PPM1H: variants seen among roughly 807,000 people sequenced by gnomAD.
PPM1H encodes the protein protein phosphatase 1H.
A neutral mutation model predicts 54.9 loss-of-function variants in PPM1H; 27 were observed. The ratio of observed to expected loss-of-function variants is 0.49; its 90% CI spans 0.36 to 0.68. The LOEUF (loss-of-function observed/expected upper bound fraction) is 0.68, where lower values mean the gene tolerates loss of function less well. Ranked by LOEUF, PPM1H falls within the 30% of genes least tolerant of loss-of-function variation. The pLI, the probability that PPM1H is intolerant of heterozygous loss-of-function variation, is 0.00. For synonymous variants in PPM1H, 305 were observed against 270.8 expected (o/e 1.13, Z -1.24); for missense variants, 596 against 667.8 (o/e 0.89, Z 1.19).
At chr12:62,838,326 T>A (rs1413416749) in intron 1 of PPM1H, among the ~76,000 whole-genome samples, 2 of 100,646 alleles carry the variant, frequency 2.0e-5, no homozygotes, top group African/African-American at 1.1e-4. Context: ...TAAAATACAG[T>A]GTGTGTGTGT....
intron 1 of PPM1H, among the ~76,000 whole-genome samples, chr12:62,881,378 T>C (rs1221151226): frequency 4.0e-5 from 6 of 150,574 alleles, no homozygotes; most frequent in Non-Finnish European, 1.5e-5. Context: ...AATAAGCTGA[T>C]AATCAGTGGA....
At chr12:62,882,567 G>T (rs2121048671) in intron 1 of PPM1H, among the ~76,000 whole-genome samples, 1 of 152,332 alleles carries the variant, frequency 6.6e-6, no homozygotes, top group Admixed American at 6.5e-5. Context: ...GAGTGGGGCT[G>T]TCCCACTTGT....
intron 8 of PPM1H, among the ~76,000 whole-genome samples, chr12:62,673,713 C>CTTTTTTTTTTTTTTTTTTT (rs1192243731): frequency 2.1e-5 from 1 of 47,570 alleles, no homozygotes; most frequent in Non-Finnish European, 4.5e-5. Context: ...AGAAGAGCCA[C>CTTTTTTTTTTTTTTTTTTT]TCTTTTTTTT....
At chr12:62,913,394 A>G (rs1361430624) in intron 1 of PPM1H, among the ~76,000 whole-genome samples, 1 of 152,160 alleles carries the variant, frequency 6.6e-6, no homozygotes, top group Non-Finnish European at 1.5e-5. Flanking sequence ...ACTACAGGTG[A>G]GCGTTTTCCT....
rs1329273982 is a variant in PPM1H at position 62,896,381 on chromosome 12, A to G, written c.245+38111T>C. ...AAAGGGCTAATATCCAGAACCTACA[A>G]AGAACTTAAACAAATTTACAAGAAA... On this transcript the variant is annotated intron_variant, in intron 1 of 9. Coordinates refer to ENST00000228705, the MANE Select transcript of PPM1H (RefSeq NM_020700.2). 2.0e-5 allele frequency among the ~76,000 whole-genome samples: 3 copies of G among 152,226 alleles called. No individual in the cohort carries two copies. The East Asian group carries it at 5.8e-4, about 29-fold the overall frequency.
intron 8 of PPM1H, among the ~76,000 whole-genome samples, chr12:62,677,028 C>G (rs963179997): frequency 2.7e-4 from 41 of 152,124 alleles, no homozygotes; most frequent in African/African-American, 9.9e-4. Context: ...CCTTCTGAAG[C>G]CTGTAAAAAC....
intron 5 of PPM1H, among the ~76,000 whole-genome samples, chr12:62,723,028 G>A (rs1444649450): frequency 2.0e-5 from 3 of 152,160 alleles, no homozygotes; most frequent in Admixed American, 6.5e-5. Context: ...CTACTGATCA[G>A]AGCTTAGCCT....
intron 1 of PPM1H, among the ~76,000 whole-genome samples, chr12:62,910,916 G>A (rs757796099): frequency 6.6e-6 from 1 of 152,070 alleles, no homozygotes; most frequent in Non-Finnish European, 1.5e-5. Context: ...AATAATGGAA[G>A]GTTTAAATAA....
chr12:62,692,138 G>A (rs563782639), intron 7 of PPM1H, among the ~76,000 whole-genome samples: 34 of 152,230 alleles, frequency 2.2e-4, no homozygotes, highest in African/African-American at 7.7e-4. Context: ...AGGGGTACGC[G>A]GAGAAGAAAG....
chr12:62,909,546 A>G (rs1192439322), intron 1 of PPM1H, among the ~76,000 whole-genome samples: 1 of 152,162 alleles, frequency 6.6e-6, no homozygotes, highest in East Asian at 1.9e-4. Flanking sequence ...GCTGGCCAGC[A>G]CACTCTTAAG....
intron 1 of PPM1H, among the ~76,000 whole-genome samples, chr12:62,849,746 A>G (rs1180488498): frequency 2.0e-5 from 3 of 152,198 alleles, no homozygotes; most frequent in Non-Finnish European, 4.4e-5. Flanking sequence ...AAAATGCACT[A>G]AGTCTGAGAT....
At chr12:62,693,905 C>G in intron 7 of PPM1H, 31 bp downstream of exon 7, 3 of 1,595,464 alleles carry the variant, frequency 1.9e-6, no homozygotes, top group Non-Finnish European at 2.6e-6. Context: ...GAGCCCTGTC[C>G]TCTCTACCCA....
chr12:62,886,750 T>C (rs1419281420), intron 1 of PPM1H, among the ~76,000 whole-genome samples: 1 of 152,184 alleles, frequency 6.6e-6, no homozygotes, highest in Non-Finnish European at 1.5e-5. Flanking sequence ...AGTTGTCACA[T>C]ACAGAATATT....
chr12:62,877,044 G>C (rs948454675), intron 1 of PPM1H, among the ~76,000 whole-genome samples: 1 of 152,048 alleles, frequency 6.6e-6, no homozygotes, highest in Non-Finnish European at 1.5e-5. Context: ...TTTATTTCTT[G>C]CAGTCTCTAA....
chr12:62,670,581 G>A (rs1468110817), intron 8 of PPM1H, among the ~76,000 whole-genome samples: 1 of 152,098 alleles, frequency 6.6e-6, no homozygotes, highest in Non-Finnish European at 1.5e-5. Context: ...AAGTTGTCTT[G>A]TCCACACTCA....
intron 4 of PPM1H, among the ~76,000 whole-genome samples, chr12:62,778,316 C>T (rs187936961): frequency 1.8e-4 from 27 of 152,312 alleles, no homozygotes; most frequent in South Asian, 6.2e-4. Context: ...CCTGGGTACA[C>T]GACTTAGACT....
At chr12:62,755,036 A>G (rs1429868014) in intron 4 of PPM1H, among the ~76,000 whole-genome samples, 1 of 152,232 alleles carries the variant, frequency 6.6e-6, no homozygotes, top group African/African-American at 2.4e-5. Flanking sequence ...ACACAAGAAC[A>G]GGCCAAGGAG....
intron 9 of PPM1H, among the ~76,000 whole-genome samples, chr12:62,664,389 T>A (rs2075904696): frequency 6.6e-6 from 1 of 152,244 alleles, no homozygotes; most frequent in Non-Finnish European, 1.5e-5. Flanking sequence ...ATTCATAAGT[T>A]GTTTAGAAGT....
chr12:62,715,177 CG>C (rs2076228225), intron 6 of PPM1H, among the ~76,000 whole-genome samples: 1 of 152,194 alleles, frequency 6.6e-6, no homozygotes, highest in Non-Finnish European at 1.5e-5. Flanking sequence ...CAGAGGGCTG[CG>C]GGTCGGGATA....
Sources: gnomAD v4.1 joint callset for allele counts (sites outside exome capture counted in the v4.1 genomes callset) on GRCh38, gnomAD v4.1.1 for gene constraint, MANE v1.5 for transcripts, NCBI Gene and HGNC (gene_info 2026-07-23, HGNC 2026-07-21) for gene names.